The following IGSF1 variants were observed in gnomAD, a reference collection of about 807,000 sequenced individuals.
The protein encoded by IGSF1 is immunoglobulin-like domain-containing protein 1.
A neutral mutation model predicts 95.3 loss-of-function variants in IGSF1; 40 were observed. The ratio of observed to expected loss-of-function variants is 0.42; its 90% confidence interval spans 0.33 to 0.55. The LOEUF (loss-of-function observed/expected upper bound fraction) is 0.55. Ranked by LOEUF, IGSF1 falls within the 20% of genes least tolerant of loss-of-function variation. The pLI, the probability that IGSF1 is intolerant of heterozygous loss-of-function variation, is 0.10. For missense variants in IGSF1, 906 were observed against 1,025.4 expected (o/e 0.88, Z 1.59); for synonymous variants, 372 against 382.9 (o/e 0.97, Z 0.33).
chrX:131,286,359 A>G, intron 3 of IGSF1, 78 bp downstream of exon 3: 1 of 872,906 alleles, frequency 1.1e-6, no homozygotes, highest in Admixed American at 2.3e-5. Context: ...TCAAGGCATT[A>G]TGTCCAAGGT....
chrX:131,285,882 T>G lies in IGSF1; in HGVS notation c.264A>C (p.Gln88His), dbSNP rs762688728. The change falls in exon 4 of 20, where the codon CAA (glutamine) becomes CAC (histidine). Residue 88 changes from glutamine to histidine, a missense_variant. Around this residue, in one of 5 missense-constraint regions of IGSF1, gnomAD observed 442 missense variants for 448.1 expected, o/e 0.99. Coordinates refer to ENST00000361420, the MANE Select transcript of IGSF1 (RefSeq NM_001555.5). ...TAAGGGCACCTATAAGGAATGAAAC[T>G]TGGAAGGTCTTGTGGGAAGGGCGGA... is the stretch of plus-strand genomic sequence containing the variant. ...TWIRPSHKTFQVSFLIGALTE... is the reference protein window; with the variant it reads ...TWIRPSHKTFHVSFLIGALTE... 2 of 1,209,395 alleles carry G rather than the reference T, an allele frequency of 1.7e-6. No individual in the cohort carries two copies. The highest frequency in any genetic ancestry group is 2.2e-5 in the Admixed American group (1 of 45,728).
chrX:131,286,170 A>G (rs1344928066), intron 3 of IGSF1, 122 bp from the exon 4 acceptor site: 1 of 664,252 alleles, frequency 1.5e-6, no homozygotes, highest in Admixed American at 3.4e-5. Context: ...TCCCTTGGGG[A>G]CAGGAGTGTG....
At chrX:131,283,364 G>A in intron 5 of IGSF1, 100 bp from the exon 6 acceptor site, 3 of 703,658 alleles carry the variant, frequency 4.3e-6, no homozygotes, top group African/African-American at 2.2e-5. Flanking sequence ...AGTGGTAGCT[G>A]AAGTTTACCT....
In IGSF1 at chrX:131,283,274, G is replaced by A. The variant is rs752042260; in HGVS notation, c.668-10C>T. 50 of 1,176,341 alleles carry A rather than the reference G, an allele frequency of 4.3e-5. No individual in the cohort carries two copies. In the Admixed American group the frequency reaches 1.2e-3, roughly 28 times the overall value. On this transcript the variant is annotated splice_polypyrimidine_tract_variant and intron_variant, in intron 5 of 19. Transcript: ENST00000361420. Reference sequence around the variant, plus strand: ...GGTTTGGGGTAGAGTCCTACAAACGGAAGAGACCCTAAAGTTAGAGGCAAG... The same window carrying A: ...GGTTTGGGGTAGAGTCCTACAAACGAAAGAGACCCTAAAGTTAGAGGCAAG...
rs200267796 is a variant in IGSF1, at chrX:131,275,681, G to A, written c.2981C>T (p.Pro994Leu). The part of the protein sequence containing the change: ...GQNVTLWCRG[P>L]VHGVGYILHK... ...CAGAATGTATCCTACTCCATGGACCGGCCCTCGGCACCAGAGAGTAACATT... is the reference window on the plus strand; with the variant it reads ...CAGAATGTATCCTACTCCATGGACCAGCCCTCGGCACCAGAGAGTAACATT... Residue 994 changes from proline (P) to leucine (L), a missense_variant, in exon 16 of 20, where the codon CCG (proline) becomes CTG (leucine). This residue lies in a region of IGSF1 where 411 missense variants were observed against 494.9 expected (regional missense o/e 0.83). Coordinates refer to ENST00000361420, the MANE Select transcript of IGSF1 (RefSeq NM_001555.5). 92 of 1,208,374 alleles carry A rather than the reference G, an allele frequency of 7.6e-5. 2 individuals carry two copies. The highest frequency in any genetic ancestry group is 1.1e-4 in the Admixed American group (5 of 45,805).
At position 131,279,173 on chromosome X, in the gene IGSF1, G is replaced by C. The variant is rs139829301; in HGVS notation, c.1720C>G (p.Leu574Val). 85 of 1,209,292 alleles carry C rather than the reference G, an allele frequency of 7.0e-5. No individual in the cohort carries two copies. The highest frequency in any genetic ancestry group is 9.1e-5 in the Non-Finnish European group (81 of 894,467). ...FIVTALLCCG[L>V]CNGVLIEETE... The stretch of plus-strand genomic sequence containing the variant: ...TCTTCTATCAATACCCCATTGCACA[G>C]TCCTGCAAAAGAAATTGCTGCCAGG... The change falls in exon 11 of 20, where the codon CTG becomes GTG. Residue 574 changes from leucine (L) to valine (V), a missense_variant and splice_region_variant. By Grantham distance (32) the Leu-to-Val change is conservative. This residue lies in a region of IGSF1 where 442 missense variants were observed against 448.1 expected (regional missense o/e 0.99). Coordinates refer to ENST00000361420, the MANE Select transcript of IGSF1 (RefSeq NM_001555.5).
At position 131,285,758 on chromosome X, in the gene IGSF1, T is replaced by C. The variant is rs778761976; in HGVS notation, c.379+9A>G. 8.4e-7 allele frequency: 1 copy of C among 1,193,025 alleles called. No individual in the cohort carries two copies. Among genetic ancestry groups the C allele is most frequent in the Non-Finnish European group, 1.1e-6 (1 of 883,771 alleles). Reference sequence around the variant, plus strand: ...TGGAGTTGATTCTTGAGTATCACTGTCATCTTACCTGGTGCCTCCAACTCT... The same window carrying C: ...TGGAGTTGATTCTTGAGTATCACTGCCATCTTACCTGGTGCCTCCAACTCT... On this transcript the variant is annotated intron_variant, in intron 4 of 19. Transcript: ENST00000361420.
At chrX:131,282,331 G>A in intron 7 of IGSF1, 113 bp downstream of exon 7, 1 of 559,669 alleles carries the variant, frequency 1.8e-6, no homozygotes, top group Non-Finnish European at 3.0e-6. Flanking sequence ...GTATGTGTGT[G>A]TGTGTTTTGC....
At position 131,279,310 on chromosome X, in the gene IGSF1, C is replaced by A. The variant is rs750874639; in HGVS notation, c.1678G>T (p.Val560Phe). 1 of 1,210,974 alleles carries A rather than the reference C, an allele frequency of 8.3e-7. No homozygotes were observed. The highest frequency in any genetic ancestry group is 1.1e-6 in the Non-Finnish European group (1 of 894,976). ...GCCGTGACTATGAAGAGCATGGTGA[C>A]CCCTTGAGCTGTTCCCAGCAACCAG... is the stretch of plus-strand genomic sequence containing the variant. ...EAWLLGTAQG[V>F]TMLFIVTALL... is the part of the protein sequence containing the mutation. Residue 560 changes from valine to phenylalanine, a missense_variant, in exon 10 of 20, where the codon GTC becomes TTC. By Grantham distance (50) the Val-to-Phe change is conservative. This residue lies in a region of IGSF1 where 442 missense variants were observed against 448.1 expected (regional missense o/e 0.99). Coordinates refer to ENST00000361420, the MANE Select transcript of IGSF1 (RefSeq NM_001555.5).
intron 1 of IGSF1, among the ~76,000 whole-genome samples, chrX:131,287,152 T>A (rs2080654259): frequency 1.1e-5 from 1 of 90,103 alleles, no homozygotes; most frequent in Admixed American, 1.4e-4. Context: ...TGTGTATATA[T>A]ATACGTATAT....
At chrX:131,277,546 G>C (rs1477535226) in intron 13 of IGSF1, 1 of 374,500 alleles carries the variant, frequency 2.7e-6, no homozygotes, top group African/African-American at 2.5e-5. Context: ...TTTGGACAAG[G>C]GGAAAATGGT....
chrX:131,276,905 G>C, intron 14 of IGSF1, 34 bp downstream of exon 14: 1 of 1,184,097 alleles, frequency 8.4e-7, no homozygotes, highest in Non-Finnish European at 1.1e-6. Flanking sequence ...TCCCAGGGTT[G>C]GCACCACCTC....
intron 9 of IGSF1, among the ~76,000 whole-genome samples, chrX:131,279,551 G>A (rs1468167365): frequency 9.1e-5 from 10 of 110,089 alleles, no homozygotes; most frequent in Admixed American, 5.8e-4. Flanking sequence ...CATGACCCAC[G>A]TGTCCCCCCC....
At chrX:131,283,330 C>T in intron 5 of IGSF1, 66 bp from the exon 6 acceptor site, 3 of 969,063 alleles carry the variant, frequency 3.1e-6, no homozygotes, top group Non-Finnish European at 4.3e-6. Context: ...TCTGTTTTCT[C>T]TTTCTTAATT....
At position 131,275,981 on chromosome X, in the gene IGSF1, G is replaced by A; in HGVS notation, c.2876C>T (p.Pro959Leu). Reference sequence around the variant, plus strand: ...CTTACCAGTCACCCAGATCATAAGGGGCATACTGAGATATGACCCCCTGTT... The same window carrying A: ...CTTACCAGTCACCCAGATCATAAGGAGCATACTGAGATATGACCCCCTGTT... The part of the protein sequence containing the change: ...MSNRGSYLSM[P>L]LMIWVTDTFP... Residue 959 changes from proline to leucine, a missense_variant, in exon 15 of 20, where the codon CCC (proline) becomes CTC (leucine). Coordinates refer to ENST00000361420, the MANE Select transcript of IGSF1 (RefSeq NM_001555.5). The A allele has an allele frequency of 8.3e-7, 1 of 1,210,058 alleles. No homozygotes were observed. Among genetic ancestry groups the A allele is most frequent in the Non-Finnish European group, 1.1e-6 (1 of 894,594 alleles).
rs769535778 is a variant in IGSF1, at chrX:131,275,230, C to T, written c.3241G>A (p.Glu1081Lys). 9 of 1,209,417 alleles carry T rather than the reference C, an allele frequency of 7.4e-6. No homozygotes were observed. The East Asian group carries it at 1.5e-4, about 20-fold the overall frequency. ...CCTTGACACTGAAGAGTCATATTTT[C>T]GCCAGGGGCCACCATGGGACCAGGC... ...AQPGPMVAPGENMTLQCQGEL... is the reference protein window; with the variant it reads ...AQPGPMVAPGKNMTLQCQGEL... The change falls in exon 17 of 20, where the codon GAA becomes AAA. Residue 1081 changes from glutamate to lysine, a missense_variant. This residue lies in a region of IGSF1 where 411 missense variants were observed against 494.9 expected (regional missense o/e 0.83). Transcript: ENST00000361420.
chrX:131,285,437 G>C lies in IGSF1; in HGVS notation c.409C>G (p.Gln137Glu). The change falls in exon 5 of 20, where the codon CAG becomes GAG. Residue 137 changes from glutamine to glutamate, a missense_variant. Coordinates refer to ENST00000361420, the MANE Select transcript of IGSF1 (RefSeq NM_001555.5). ...GQLPKPIFWIQAETPALPGCN... is the reference protein window; with the variant it reads ...GQLPKPIFWIEAETPALPGCN... ...CCAGGAAGAGCGGGGGTCTCAGCCT[G>C]AATCCAGAAGATGGGCTTGGGCAGT... The C allele has an allele frequency of 8.3e-7, 1 of 1,208,131 alleles. No homozygotes were observed. The highest frequency in any genetic ancestry group is 3.0e-5 in the East Asian group (1 of 33,829).
rs2080453857 is a variant in IGSF1 at position 131,274,606 on chromosome X, C to T, written c.3744G>A (p.Gly1248=). The T allele has an allele frequency of 3.3e-6, 4 of 1,210,743 alleles. No homozygotes were observed. The highest frequency in any genetic ancestry group is 1.7e-5 in the African/African-American group (1 of 57,820). Residue 1248 remains glycine, a synonymous_variant, in exon 18 of 20, where the codon GGG becomes GGA. Transcript: ENST00000361420. ...GAGAGATTATTCTCTTACCTGCTGC[C>T]CCCACCAGCTCCAGGGGATCACTAG... is the stretch of plus-strand genomic sequence containing the variant. ...SEPSDPLELV[G]AAGPVAQECT...
intron 1 of IGSF1, among the ~76,000 whole-genome samples, chrX:131,287,687 G>A (rs1342904036): frequency 9.0e-6 from 1 of 111,366 alleles, no homozygotes; most frequent in African/African-American, 3.3e-5. Context: ...TTGAGTTCAG[G>A]GAGGCTTTCC....
Sources: allele counts gnomAD v4.1 joint callset (sites outside exome capture counted in the v4.1 genomes callset), GRCh38; gene constraint gnomAD v4.1.1; regional missense constraint gnomAD v4.1.1; transcripts MANE v1.5; gene names NCBI Gene and HGNC (gene_info 2026-07-23, HGNC 2026-07-21).